The following ZDHHC11B variants were observed in gnomAD, a reference collection of about 807,000 sequenced individuals.
ZDHHC11B encodes probable palmitoyltransferase ZDHHC11B.
In ZDHHC11B, 17 loss-of-function variants were observed where a neutral mutation model predicts 42.3. That is an observed-to-expected ratio of 0.40 (90% CI 0.27 to 0.60). ZDHHC11B has a LOEUF of 0.60. ZDHHC11B is among the 20% of genes least tolerant of loss of function. The pLI is 0.41. For synonymous variants in ZDHHC11B, 123 were observed against 193.5 expected (o/e 0.64, Z 3.02); for missense variants, 262 against 463.2 (o/e 0.57, Z 3.99).
chr5:712,928 G>GTATATATA (rs70955292), intron 13 of ZDHHC11B, among the ~76,000 whole-genome samples: 7 of 142,544 alleles, frequency 4.9e-5, no homozygotes, highest in Middle Eastern at 3.3e-3. Flanking sequence ...GTGTGTGTGT[G>GTATATATA]TATATATATA....
intron 13 of ZDHHC11B, among the ~76,000 whole-genome samples, chr5:713,989 C>T (rs1401166472): frequency 7.2e-6 from 1 of 139,570 alleles, no homozygotes; most frequent in Non-Finnish European, 1.6e-5. Context: ...CTGCACTCCC[C>T]ACTAGATTTC....
chr5:719,562 C>T (rs1280067186), intron 12 of ZDHHC11B, among the ~76,000 whole-genome samples: 4 of 150,430 alleles, frequency 2.7e-5, no homozygotes, highest in Admixed American at 2.0e-4. Flanking sequence ...TTCAACAGAT[C>T]TGAGCAAGCA....
chr5:784,401 C>G (rs1254331608), intron 1 of ZDHHC11B, among the ~76,000 whole-genome samples: 3 of 152,022 alleles, frequency 2.0e-5, no homozygotes, highest in African/African-American at 7.3e-5. Context: ...AGTGACAGAC[C>G]TGTCCCTGGC....
chr5:756,824 G>A (rs1314462101), intron 4 of ZDHHC11B, among the ~76,000 whole-genome samples: 9 of 151,522 alleles, frequency 5.9e-5, no homozygotes, highest in Admixed American at 2.0e-4. Flanking sequence ...GCTCACTGAC[G>A]GACCCTCTCC....
At chr5:784,641 G>A (rs1353303567) in intron 1 of ZDHHC11B, among the ~76,000 whole-genome samples, 27 bp downstream of exon 1, 1 of 150,966 alleles carries the variant, frequency 6.6e-6, no homozygotes, top group African/African-American at 2.4e-5. Flanking sequence ...CGCCGCGCCC[G>A]CAGGACCGAG....
chr5:724,179 C>T (rs1403559041), intron 12 of ZDHHC11B, among the ~76,000 whole-genome samples: 2 of 151,226 alleles, frequency 1.3e-5, no homozygotes, highest in South Asian at 2.1e-4. Flanking sequence ...CATGTGTCTC[C>T]AACACACTTA....
In ZDHHC11B at chr5:748,479, T is replaced by G; in HGVS notation, c.709A>C (p.Arg237=). 1 of 1,359,406 alleles carries G rather than the reference T, an allele frequency of 7.4e-7. No individual in the cohort carries two copies. The highest frequency in any genetic ancestry group is 9.8e-7 in the Non-Finnish European group (1 of 1,023,308). 84.2% of individuals were successfully genotyped at this position (1,359,406 alleles called of 1,614,324 possible). A position where few individuals can be genotyped will look rare whatever the true frequency, so the allele number is the denominator to read the frequency against. The change falls in exon 8 of 14, where the codon AGG becomes CGG. Residue 237 remains arginine, a synonymous_variant. Transcript: ENST00000508859. Reference sequence around the variant, plus strand: ...AGGTCCAGCAGGAGCACGAGCATCCTGATGATCACGACTATCAGAGTCTGC... The same window carrying G: ...AGGTCCAGCAGGAGCACGAGCATCCGGATGATCACGACTATCAGAGTCTGC... The part of the protein sequence containing the change: ...QVQTLIVVII[R]MLVLLLDLLG...
At chr5:776,403 G>GAAGC (rs1736486946) in intron 1 of ZDHHC11B, among the ~76,000 whole-genome samples, 1 of 151,848 alleles carries the variant, frequency 6.6e-6, no homozygotes, top group Admixed American at 6.6e-5. Flanking sequence ...GGACCAGGGA[G>GAAGC]AAGCAACCCC....
chr5:783,759 T>A (rs1229049000), intron 1 of ZDHHC11B, among the ~76,000 whole-genome samples: 9 of 56,260 alleles, frequency 1.6e-4, no homozygotes, highest in Non-Finnish European at 3.1e-5. Flanking sequence ...AGCCCCCAAA[T>A]ACCCATCAAA....
intron 4 of ZDHHC11B, among the ~76,000 whole-genome samples, chr5:757,968 C>T (rs1441910719): frequency 8.6e-5 from 13 of 151,788 alleles, no homozygotes; most frequent in Admixed American, 7.9e-4. Flanking sequence ...CCCCACCGGA[C>T]TTGGGAGTGG....
Position 711,784 on chromosome 5 carries a change from A to C in ZDHHC11B, c.*506T>G, listed in dbSNP as rs1741398121. 6.9e-6 allele frequency: 1 copy of C among 145,936 alleles called. No individual in the cohort carries two copies. The highest frequency in any genetic ancestry group is 2.7e-5 in the African/African-American group (1 of 37,100). 9.0% of individuals were successfully genotyped at this position (145,936 alleles called of 1,614,324 possible). A position where few individuals can be genotyped will look rare whatever the true frequency, so the allele number is the denominator to read the frequency against. On this transcript the variant is annotated 3_prime_UTR_variant, in exon 14 of 14. Coordinates refer to ENST00000508859, the MANE Select transcript of ZDHHC11B (RefSeq NM_001351303.2). ...CATTACTGTGCTCCCATTTCCCAGC[A>C]CTGTGATCCCATTTCCTAGTACTGT...
At chr5:769,334 C>T (rs1735772623) in intron 1 of ZDHHC11B, among the ~76,000 whole-genome samples, 1 of 139,080 alleles carries the variant, frequency 7.2e-6, no homozygotes, top group African/African-American at 2.6e-5. Flanking sequence ...CACCCACACA[C>T]CACTCATGGG....
chr5:777,528 G>C (rs146489421), intron 1 of ZDHHC11B, among the ~76,000 whole-genome samples: 3 of 151,930 alleles, frequency 2.0e-5, no homozygotes, highest in Non-Finnish European at 2.9e-5. Context: ...TTTCCACAGC[G>C]GAGAAGAGAA....
At position 711,460 on chromosome 5, in the gene ZDHHC11B, G is replaced by A; in HGVS notation, c.*830C>T. The A allele has an allele frequency of 6.7e-6, 1 of 150,242 alleles. No homozygotes were observed. The highest frequency in any genetic ancestry group is 1.5e-5 in the Non-Finnish European group (1 of 68,788). 9.3% of individuals were successfully genotyped at this position (150,242 alleles called of 1,614,324 possible). On this transcript the variant is annotated 3_prime_UTR_variant, in exon 14 of 14. Coordinates refer to ENST00000508859, the MANE Select transcript of ZDHHC11B (RefSeq NM_001351303.2). ...TACTGTGCTCCCATTTCCCAGTGCT[G>A]TATACTCCTATTTCCCAGTGCCATG... is the stretch of plus-strand genomic sequence containing the variant.
In ZDHHC11B at chr5:771,138, C is replaced by T. The variant is rs73730945; in HGVS notation, c.-229-2208G>A. Among the ~76,000 whole-genome samples the T allele has an allele frequency of 1.6e-3, 240 of 151,828 alleles. 1 individual carries two copies. Among genetic ancestry groups the T allele is most frequent in the African/African-American group, 5.5e-3 (229 of 41,354 alleles). ...CAAGAGCCGGTGGGAGGGTCCGTGC[C>T]GAGGACACATGTGCGTGTCCCAACC... On this transcript the variant is annotated intron_variant, in intron 1 of 13. Transcript: ENST00000508859.
rs1741372103 is a variant in ZDHHC11B at position 711,523 on chromosome 5, T to TACTGTGCTCCCATTTCCCAAA, written c.*746_*766dup. On this transcript the variant is annotated 3_prime_UTR_variant, in exon 14 of 14. Coordinates refer to ENST00000508859, the MANE Select transcript of ZDHHC11B (RefSeq NM_001351303.2). Reference sequence around the variant, plus strand: ...CCAGTACTGTGCTCATATTTCCCAGTACTGTGCTCCCATTTCCCAAAACTG... The same window carrying TACTGTGCTCCCATTTCCCAAA: ...CCAGTACTGTGCTCATATTTCCCAGTACTGTGCTCCCATTTCCCAAAACTGTGCTCCCATTTCCCAAAACTG... 1 of 148,520 alleles carries TACTGTGCTCCCATTTCCCAAA rather than the reference T, an allele frequency of 6.7e-6. No homozygotes were observed. The highest frequency in any genetic ancestry group is 2.6e-5 in the African/African-American group (1 of 37,890). 9.2% of individuals were successfully genotyped at this position (148,520 alleles called of 1,614,324 possible). A position where few individuals can be genotyped will look rare whatever the true frequency, so the allele number is the denominator to read the frequency against.
At chr5:777,642 T>A (rs993696876) in intron 1 of ZDHHC11B, among the ~76,000 whole-genome samples, 1 of 151,968 alleles carries the variant, frequency 6.6e-6, no homozygotes, top group Non-Finnish European at 1.5e-5. Flanking sequence ...AGCTAATTGG[T>A]CCGTTTTACA....
chr5:743,885 G>C (rs1245221591), intron 9 of ZDHHC11B, among the ~76,000 whole-genome samples: 1 of 149,808 alleles, frequency 6.7e-6, no homozygotes, highest in Admixed American at 6.8e-5. Context: ...GCCGGAATGT[G>C]ACTGCAATGT....
intron 8 of ZDHHC11B, among the ~76,000 whole-genome samples, chr5:746,282 G>C (rs1302380165): frequency 6.8e-6 from 1 of 146,376 alleles, no homozygotes; most frequent in South Asian, 2.5e-4. Context: ...AGCAGATGGC[G>C]GTGGGCACCC....
Sources: gnomAD v4.1 joint callset for allele counts (sites outside exome capture counted in the v4.1 genomes callset) on GRCh38, gnomAD v4.1.1 for gene constraint, MANE v1.5 for transcripts, NCBI Gene and HGNC (gene_info 2026-07-23, HGNC 2026-07-21) for gene names.